PCDH11X: variants seen among roughly 807,000 people sequenced by gnomAD.
PCDH11X encodes the protein protocadherin 11 X-linked, also known as protocadherin-11 X-linked.
Under a neutral mutation model 53.3 loss-of-function variants are expected in PCDH11X, and 18 were observed. The ratio of observed to expected loss-of-function variants is 0.34; its 90% CI spans 0.23 to 0.50. The LOEUF (loss-of-function observed/expected upper bound fraction) is 0.50. Ranked by LOEUF, PCDH11X falls within the 20% of genes least tolerant of loss-of-function variation. The probability of loss-of-function intolerance (pLI) is 0.98; values close to 1 mark genes in which losing one functional copy is unlikely to be tolerated. For synonymous variants in PCDH11X, 279 were observed against 393.3 expected (o/e 0.71, Z 3.44); for missense variants, 570 against 1,032.4 (o/e 0.55, Z 6.14).
chrX:92,282,178 A>G (rs769780128), intron 8 of PCDH11X, among the ~76,000 whole-genome samples: 26 of 111,489 alleles, frequency 2.3e-4, no homozygotes, highest in Admixed American at 1.9e-4. Flanking sequence ...GGAGTTATTT[A>G]ATTCCACAGG....
At chrX:92,003,222 AG>A (rs1343755572) in intron 6 of PCDH11X, among the ~76,000 whole-genome samples, 2 of 100,063 alleles carry the variant, frequency 2.0e-5, no homozygotes, top group Non-Finnish European at 4.0e-5. Flanking sequence ...TGCATCCCAA[AG>A]ATAAATCTCA....
At chrX:92,445,076 A>C (rs1261679315) in intron 9 of PCDH11X, among the ~76,000 whole-genome samples, 2 of 103,073 alleles carry the variant, frequency 1.9e-5, no homozygotes, top group Admixed American at 1.1e-4. Flanking sequence ...GTATTTTAGA[A>C]AGAGCTGCAG....
intron 6 of PCDH11X, among the ~76,000 whole-genome samples, chrX:92,154,236 C>T (rs2065488136): frequency 9.0e-6 from 1 of 111,156 alleles, no homozygotes; most frequent in Admixed American, 9.6e-5. Flanking sequence ...TATTTAATGA[C>T]ATTATATAAT....
chrX:92,086,760 G>A (rs772027275), intron 6 of PCDH11X, among the ~76,000 whole-genome samples: 2 of 110,770 alleles, frequency 1.8e-5, no homozygotes, highest in Admixed American at 9.8e-5. Flanking sequence ...TTTTGTGACA[G>A]TGTTCTGTGT....
rs747400193 is a variant in PCDH11X at position 92,369,609 on chromosome X, A to G, written c.3145-18126A>G. On this transcript the variant is annotated intron_variant, in intron 8 of 10. Coordinates refer to ENST00000682573, the MANE Select transcript of PCDH11X (RefSeq NM_032968.5). ...CGGTGTCTGCCCAAACAGCCACCCA[A>G]TTTTTGGCTTGAAACCCAGGGCCCT... Among the ~76,000 whole-genome samples the G allele has an allele frequency of 4.5e-5, 5 of 110,675 alleles. No individual in the cohort carries two copies. In the South Asian group the frequency reaches 2.0e-3, roughly 44 times the overall value.
At chrX:92,199,764 A>G (rs1404574511) in intron 6 of PCDH11X, among the ~76,000 whole-genome samples, 1 of 111,347 alleles carries the variant, frequency 9.0e-6, no homozygotes, top group African/African-American at 3.3e-5. Flanking sequence ...ATTTTTTCTA[A>G]TGTTTGAATA....
chrX:92,057,395 A>G (rs1197358043), intron 6 of PCDH11X, among the ~76,000 whole-genome samples: 2 of 107,834 alleles, frequency 1.9e-5, no homozygotes, highest in Non-Finnish European at 3.8e-5. Flanking sequence ...CATGCAGTAC[A>G]TCAAAAACAC....
intron 10 of PCDH11X, among the ~76,000 whole-genome samples, chrX:92,617,889 T>G (rs1928153888): frequency 1.8e-5 from 2 of 111,679 alleles, no homozygotes; most frequent in Non-Finnish European, 3.8e-5. Context: ...ATTCTTATAA[T>G]TTGTTTTCCA....
At chrX:92,264,035 T>G (rs2067772265) in intron 8 of PCDH11X, among the ~76,000 whole-genome samples, 1 of 112,036 alleles carries the variant, frequency 8.9e-6, no homozygotes, top group African/African-American at 3.2e-5. Context: ...TTATCTTTGC[T>G]GTTGCTAAGT....
Position 92,277,255 on chromosome X carries a change from G to A in PCDH11X, c.3144+14112G>A, listed in dbSNP as rs778165775. ...GGAAGGGACTGATGTGTAAAAGAAT[G>A]CCTGGATGTCAGGCACCTCAGACCA... On this transcript the variant is annotated intron_variant, in intron 8 of 10. Coordinates refer to ENST00000682573, the MANE Select transcript of PCDH11X (RefSeq NM_032968.5). 5.4e-5 allele frequency among the ~76,000 whole-genome samples: 6 copies of A among 111,024 alleles called. No individual in the cohort carries two copies. The East Asian group carries it at 1.1e-3, about 21-fold the overall frequency.
At chrX:92,476,263 G>A (rs1388316004) in intron 10 of PCDH11X, among the ~76,000 whole-genome samples, 9 of 111,733 alleles carry the variant, frequency 8.1e-5, no homozygotes, top group Non-Finnish European at 1.5e-4. Context: ...TTAAACTTCT[G>A]TTACCTTGTA....
intron 9 of PCDH11X, among the ~76,000 whole-genome samples, chrX:92,407,137 T>C (rs2071539097): frequency 1.9e-5 from 2 of 105,839 alleles, no homozygotes; most frequent in Non-Finnish European, 3.9e-5. Context: ...TGTTGACTCC[T>C]TTTGCATGTT....
chrX:92,443,096 A>G (rs1314419612), intron 9 of PCDH11X, among the ~76,000 whole-genome samples: 2 of 106,295 alleles, frequency 1.9e-5, no homozygotes, highest in African/African-American at 6.9e-5. Flanking sequence ...TGTCTTTTTC[A>G]TAATAGTTGC....
chrX:91,796,869 A>G (rs1301965101), intron 1 of PCDH11X, among the ~76,000 whole-genome samples: 2 of 111,789 alleles, frequency 1.8e-5, no homozygotes, highest in Non-Finnish European at 3.8e-5. Context: ...ATGTACAAAG[A>G]CAGTAAATGG....
rs775592046 is a variant in PCDH11X, at chrX:92,048,458, A to T, written c.3034-152917A>T. ...TCAATGAGTAAATGCAAGGCACCTA[A>T]CATTGATAAGCCAGATAAAGAATTA... On this transcript the variant is annotated intron_variant, in intron 6 of 10. Transcript: ENST00000682573. Among the ~76,000 whole-genome samples, 9 of 111,241 alleles carry T rather than the reference A, an allele frequency of 8.1e-5. No individual in the cohort carries two copies. The East Asian group carries it at 2.0e-3, about 24-fold the overall frequency.
chrX:92,417,496 T>C (rs1429899933), intron 9 of PCDH11X, among the ~76,000 whole-genome samples: 1 of 111,405 alleles, frequency 9.0e-6, no homozygotes, highest in Non-Finnish European at 1.9e-5. Context: ...CAAATCTTTT[T>C]ATTACTTACA....
intron 7 of PCDH11X, among the ~76,000 whole-genome samples, chrX:92,223,474 A>T (rs1195021115): frequency 8.9e-6 from 1 of 111,885 alleles, no homozygotes; most frequent in East Asian, 2.8e-4. Flanking sequence ...TTTTTAACTC[A>T]TGACTCCACA....
intron 6 of PCDH11X, among the ~76,000 whole-genome samples, chrX:92,065,958 C>T (rs2063601980): frequency 9.0e-6 from 1 of 111,717 alleles, no homozygotes; most frequent in Non-Finnish European, 1.9e-5. Flanking sequence ...GAGAGTTTCT[C>T]CAAAGTTTTC....
At chrX:92,089,421 A>G (rs1010284493) in intron 6 of PCDH11X, among the ~76,000 whole-genome samples, 1 of 112,349 alleles carries the variant, frequency 8.9e-6, no homozygotes, top group African/African-American at 3.2e-5. Context: ...GGTCTCTTGA[A>G]ATTAGCTTTA....
Sources: allele counts gnomAD v4.1 joint callset (sites outside exome capture counted in the v4.1 genomes callset), GRCh38; gene constraint gnomAD v4.1.1; transcripts MANE v1.5; gene names NCBI Gene and HGNC (gene_info 2026-07-23, HGNC 2026-07-21).